The following CAND2 variants were observed in gnomAD, a reference collection of about 807,000 sequenced individuals.
CAND2 encodes the protein cullin-associated NEDD8-dissociated protein 2.
A neutral mutation model predicts 98.9 loss-of-function variants in CAND2; 62 were observed. That is an observed-to-expected ratio of 0.63 (90% CI 0.51 to 0.77). The LOEUF (loss-of-function observed/expected upper bound fraction) is 0.77, where lower values mean the gene tolerates loss of function less well. Ranked by LOEUF, CAND2 falls within the 30% of genes least tolerant of loss-of-function variation. CAND2 has a pLI of 0.00. For synonymous variants in CAND2, 770 were observed against 731.9 expected, an observed-to-expected ratio of 1.05 and a Z score of -0.84; for missense variants, 1,501 against 1,655.2, an observed-to-expected ratio of 0.91 and a Z score of 1.62.
rs761727405 is a variant in CAND2, at chr3:12,820,081, T to C, written c.2945-5T>C. 2 of 1,613,510 alleles carry C rather than the reference T, an allele frequency of 1.2e-6. No homozygotes were observed. The highest frequency in any genetic ancestry group is 1.7e-6 in the Non-Finnish European group (2 of 1,179,578). ...CTCACTAACTCACCTCTTCTTGTCC[T>C]GCAGGTCGGCCACACACCCGGAGCA... On this transcript the variant is annotated splice_region_variant and splice_polypyrimidine_tract_variant and intron_variant, in intron 10 of 14. Coordinates refer to ENST00000456430, the MANE Select transcript of CAND2 (RefSeq NM_001162499.2).
chr3:12,805,215 CAG>C lies in CAND2; in HGVS notation c.212+1585_212+1586del, dbSNP rs112166044. ...AACTCATCATGAGTACAGATACAGA[CAG>C]GGGGTGTTGGGGACTCAGGTTTCAG... On this transcript the variant is annotated intron_variant, in intron 2 of 14. Transcript: ENST00000456430. 1.6e-4 allele frequency among the ~76,000 whole-genome samples: 24 copies of C among 151,950 alleles called. 1 individual carries two copies. Among genetic ancestry groups the C allele is most frequent in the Admixed American group, 3.9e-4 (6 of 15,258 alleles).
At position 12,826,855 on chromosome 3, in the gene CAND2, G is replaced by C. The variant is rs182435408; in HGVS notation, c.3211-585G>C. ...CTTTTTTTTTTTTTTTTTTGAGATG[G>C]AGTCTCGCTCTGTCACCCAGGCTGG... On this transcript the variant is annotated intron_variant, in intron 12 of 14. Transcript: ENST00000456430. 3.3e-3 allele frequency among the ~76,000 whole-genome samples: 471 copies of C among 144,712 alleles called. 1 individual carries two copies. Among genetic ancestry groups the C allele is most frequent in the Non-Finnish European group, 5.5e-3 (366 of 66,776 alleles). The allele number at this position is 144,712 out of a possible 152,430, so 94.9% of individuals were successfully genotyped here.
At position 12,834,098 on chromosome 3, in the gene CAND2, G is replaced by A. The variant is rs1279297104; in HGVS notation, c.*116G>A. 2 of 819,152 alleles carry A rather than the reference G, an allele frequency of 2.4e-6. No individual in the cohort carries two copies. Among genetic ancestry groups the A allele is most frequent in the East Asian group, 2.6e-5 (1 of 38,656 alleles). 50.7% of individuals were successfully genotyped at this position (819,152 alleles called of 1,614,324 possible). Reference sequence around the variant, plus strand: ...TTTGCCCTTCCACCATCTCACTGGGGGCCCTGTCGCTCCTGGTCAGGGCTT... The same window carrying A: ...TTTGCCCTTCCACCATCTCACTGGGAGCCCTGTCGCTCCTGGTCAGGGCTT... On this transcript the variant is annotated 3_prime_UTR_variant, in exon 15 of 15. Transcript: ENST00000456430.
intron 10 of CAND2, 53 bp from the exon 11 acceptor site, chr3:12,820,033 G>C: frequency 7.0e-7 from 1 of 1,425,930 alleles, no homozygotes; most frequent in East Asian, 2.3e-5. Context: ...TGATCTGTGA[G>C]CCTCCAGGAT....
chr3:12,825,627 C>T lies in CAND2; in HGVS notation c.3198C>T (p.Asp1066=), dbSNP rs776715879. ...LLYQETKIRR[D]LIREVEMGPF... ...ACCAGGAGACAAAGATCCGGCGGGACCTCATCCGAGAGGTGTGGAGCAGAG... is the reference window on the plus strand; with the variant it reads ...ACCAGGAGACAAAGATCCGGCGGGATCTCATCCGAGAGGTGTGGAGCAGAG... The change falls in exon 12 of 15, where the codon GAC becomes GAT. Residue 1066 remains aspartate, a synonymous_variant. Coordinates refer to ENST00000456430, the MANE Select transcript of CAND2 (RefSeq NM_001162499.2). 1.4e-5 allele frequency: 23 copies of T among 1,596,970 alleles called. No homozygotes were observed. Among genetic ancestry groups the T allele is most frequent in the Non-Finnish European group, 2.0e-5 (23 of 1,170,772 alleles).
intron 10 of CAND2, among the ~76,000 whole-genome samples, chr3:12,818,672 T>G (rs1422736290): frequency 6.6e-6 from 1 of 152,254 alleles, no homozygotes. Context: ...GATGCTCTGC[T>G]TGACAGAATG....
intron 14 of CAND2, chr3:12,832,292 T>C (rs930432754): frequency 6.6e-6 from 1 of 152,210 alleles, no homozygotes; most frequent in Non-Finnish European, 1.5e-5. Context: ...ATTTTTAACA[T>C]ATGCTTATTA....
At chr3:12,827,058 CCT>C (rs1479359999) in intron 12 of CAND2, among the ~76,000 whole-genome samples, 1 of 151,944 alleles carries the variant, frequency 6.6e-6, no homozygotes, top group East Asian at 1.9e-4. Context: ...GCCTCAATCT[CCT>C]GACTTCATGA....
chr3:12,815,754 T>C lies in CAND2; in HGVS notation c.1300-113T>C, dbSNP rs916103270. On this transcript the variant is annotated intron_variant, in intron 8 of 14. Transcript: ENST00000456430. This position sits in a 1 kb window ranked among gnomAD's most constrained non-coding sequence, Gnocchi z 5.7. ...GTGAGGGACGAGTGCTTGGGAGATA[T>C]CTTGATGCCGACATCCTCCCTGGGG... 1 of 1,056,546 alleles carries C rather than the reference T, an allele frequency of 9.5e-7. No individual in the cohort carries two copies. The allele number at this position is 1,056,546 out of a possible 1,614,324, so 65.4% of individuals were successfully genotyped here. A position where few individuals can be genotyped will look rare whatever the true frequency, so the allele number is the denominator to read the frequency against.
chr3:12,797,923 T>A (rs1463692519), intron 1 of CAND2, among the ~76,000 whole-genome samples: 1 of 151,982 alleles, frequency 6.6e-6, no homozygotes, highest in African/African-American at 2.4e-5. Flanking sequence ...CTGCAGCCCA[T>A]TCCTCAGTAC....
At chr3:12,812,204 C>T (rs1009596653) in intron 5 of CAND2, among the ~76,000 whole-genome samples, 8 of 119,748 alleles carry the variant, frequency 6.7e-5, no homozygotes, top group Non-Finnish European at 1.1e-4. Context: ...CCACCATGCC[C>T]GGCCTAAGCT....
chr3:12,816,672 C>T lies in CAND2; in HGVS notation c.1740C>T (p.Ala580=). Residue 580 remains alanine (A), a synonymous_variant, in exon 10 of 15, where the codon GCC becomes GCT. Coordinates refer to ENST00000456430, the MANE Select transcript of CAND2 (RefSeq NM_001162499.2). The part of the protein sequence containing the change: ...MSAVTLARLR[A]TDLDQEVKER... ...CTGTCACCCTGGCGCGACTTCGTGCCACTGACCTGGACCAGGAGGTGAAGG... is the reference window on the plus strand; with the variant it reads ...CTGTCACCCTGGCGCGACTTCGTGCTACTGACCTGGACCAGGAGGTGAAGG... The T allele has an allele frequency of 6.2e-7, 1 of 1,613,770 alleles. No individual in the cohort carries two copies. The highest frequency in any genetic ancestry group is 8.5e-7 in the Non-Finnish European group (1 of 1,180,046).
chr3:12,811,124 T>TGGGG (rs58543831), intron 5 of CAND2, among the ~76,000 whole-genome samples: 1 of 144,386 alleles, frequency 6.9e-6, no homozygotes. Context: ...CGGCGGGGGG[T>TGGGG]GGGGGGGGGA....
Position 12,817,776 on chromosome 3 carries a change from TGAG to T in CAND2, c.2849_2851del (p.Glu950del), listed in dbSNP as rs1218558140. The T allele has an allele frequency of 3.2e-6, 5 of 1,545,458 alleles. No homozygotes were observed. In the Admixed American group the frequency reaches 1.0e-4, roughly 31 times the overall value. On this transcript the variant is annotated inframe_deletion, in exon 10 of 15. Transcript: ENST00000456430. ...TGCTGTTCCAGCGCTGCGAGGGTGC[TGAG>T]GAGGGCACCCGGGGGGTGGTGGCCG... is the stretch of plus-strand genomic sequence containing the variant.
At chr3:12,803,770 G>A (rs2061784535) in intron 2 of CAND2, 139 bp downstream of exon 2, 1 of 680,678 alleles carries the variant, frequency 1.5e-6, no homozygotes, top group Admixed American at 3.7e-5. Flanking sequence ...CTTAGTCTGA[G>A]TTTTCCCAGA....
At chr3:12,801,010 G>A (rs1311423508) in intron 1 of CAND2, among the ~76,000 whole-genome samples, 1 of 149,052 alleles carries the variant, frequency 6.7e-6, no homozygotes, top group African/African-American at 2.5e-5. Context: ...GGCGTGAGCT[G>A]CTGCGCCCAG....
At chr3:12,812,750 G>T (rs1453559910) in intron 5 of CAND2, among the ~76,000 whole-genome samples, 1 of 152,206 alleles carries the variant, frequency 6.6e-6, no homozygotes, top group African/African-American at 2.4e-5. Flanking sequence ...AGGAGGCACT[G>T]TTATCCTTGT....
Position 12,817,065 on chromosome 3 carries a change from C to T in CAND2, c.2133C>T (p.Ala711=), listed in dbSNP as rs770342982. Residue 711 remains alanine, a synonymous_variant, in exon 10 of 15, where the codon GCC becomes GCT. Transcript: ENST00000456430. ...ALVNESDMHV[A]QLAVDFLATV... is the part of the protein sequence containing the mutation. ...TCAACGAGAGCGACATGCATGTGGCCCAGCTGGCTGTGGACTTCCTTGCCA... is the reference window on the plus strand; with the variant it reads ...TCAACGAGAGCGACATGCATGTGGCTCAGCTGGCTGTGGACTTCCTTGCCA... 42 of 1,612,838 alleles carry T rather than the reference C, an allele frequency of 2.6e-5. No individual in the cohort carries two copies. The highest frequency in any genetic ancestry group is 3.5e-5 in the Non-Finnish European group (41 of 1,179,982).
At chr3:12,825,669 A>T in intron 12 of CAND2, 30 bp downstream of exon 12, 1 of 1,574,630 alleles carries the variant, frequency 6.4e-7, no homozygotes, top group Non-Finnish European at 8.6e-7. Flanking sequence ...ACCCAGGGGA[A>T]GCTGGGGGTG....
Sources: allele counts gnomAD v4.1 joint callset (sites outside exome capture counted in the v4.1 genomes callset), GRCh38; gene constraint gnomAD v4.1.1; non-coding constraint Gnocchi (gnomAD v3.1); transcripts MANE v1.5; gene names NCBI Gene and HGNC (gene_info 2026-07-23, HGNC 2026-07-21).